OXLD1: variants seen among roughly 807,000 people sequenced by gnomAD.
OXLD1 encodes oxidoreductase-like domain-containing protein 1.
Under a neutral mutation model 3.1 loss-of-function variants are expected in OXLD1, and 4 were observed. The ratio of observed to expected loss-of-function variants is 1.28; its 90% confidence interval spans 0.63 to 2.92. OXLD1 has a LOEUF of 2.92. Among genes scored for constraint, OXLD1 ranks in the 30% most tolerant of loss-of-function variants. The pLI, the probability that OXLD1 is intolerant of heterozygous loss-of-function variation, is 0.01. For synonymous variants in OXLD1, 100 were observed against 87.0 expected, an observed-to-expected ratio of 1.15 and a Z score of -0.83; for missense variants, 240 against 204.6, an observed-to-expected ratio of 1.17 and a Z score of -1.05.
In OXLD1 at chr17:81,665,503, C is replaced by T; in HGVS notation, c.142G>A (p.Ala48Thr). The change falls in exon 2 of 2, where the codon GCG becomes ACG. Residue 48 changes from alanine (A) to threonine (T), a missense_variant. Coordinates refer to ENST00000374741, the MANE Select transcript of OXLD1 (RefSeq NM_001039842.3). ...GSFLQRHHPG[A>T]QAPDGRRKFG... Reference sequence around the variant, plus strand: ...TTTCTGCGCCCATCAGGGGCTTGCGCTCCGGGATGGTGCCTTTGAAGAAAG... The same window carrying T: ...TTTCTGCGCCCATCAGGGGCTTGCGTTCCGGGATGGTGCCTTTGAAGAAAG... The T allele has an allele frequency of 6.2e-7, 1 of 1,612,412 alleles. No homozygotes were observed. Among genetic ancestry groups the T allele is most frequent in the African/African-American group, 1.3e-5 (1 of 75,036 alleles).
At chr17:81,666,281 C>A in intron 1 of OXLD1, 1 of 496,066 alleles carries the variant, frequency 2.0e-6, no homozygotes, top group Non-Finnish European at 3.6e-6. Context: ...GTTCACCGGG[C>A]TGCTTCCTCT....
At chr17:81,666,461 GA>G (rs770539146) in intron 1 of OXLD1, 56 bp downstream of exon 1, 964 of 1,517,304 alleles carry the variant, frequency 6.4e-4, no homozygotes, top group Non-Finnish European at 8.1e-4. Context: ...CGGGCCCCCG[GA>G]CAGCGGCCTC....
intron 1 of OXLD1, chr17:81,665,925 A>T: frequency 5.0e-6 from 2 of 399,844 alleles, no homozygotes; most frequent in Non-Finnish European, 9.0e-6. Context: ...CGAGAGGTGT[A>T]ACCCTGTAAG....
intron 1 of OXLD1, 139 bp from the exon 2 acceptor site, chr17:81,665,723 G>C (rs761636525): frequency 2.0e-6 from 2 of 992,010 alleles, no homozygotes; most frequent in Non-Finnish European, 2.9e-6. Context: ...TGTGACTTTA[G>C]ACATGTTATT....
chr17:81,665,583 C>G lies in OXLD1; in HGVS notation c.62G>C (p.Gly21Ala), dbSNP rs746836760. ...GTCCGGGCTGGAGAACCGGCGAGCC[C>G]CCTGAGGATGCAGACAAACATGTGA... Reference protein sequence around the residue: ...RAVAAAVRGSGARRFSSPDCC... With the variant: ...RAVAAAVRGSAARRFSSPDCC... Residue 21 changes from glycine (G) to alanine (A), a missense_variant and splice_region_variant, in exon 2 of 2, where the codon GGG (glycine) becomes GCG (alanine). Transcript: ENST00000374741. 8.2e-6 allele frequency: 13 copies of G among 1,578,144 alleles called. No homozygotes were observed. The African/African-American group carries it at 1.8e-4, about 21-fold the overall frequency.
rs1477574824 is a variant in OXLD1 at position 81,665,323 on chromosome 17, G to A, written c.322C>T (p.Leu108=). ...TCCCCACCGTCCTGGAAGTGCTGCA[G>A]CAGCCTGTCCGCGTACTCCACCCAC... ...CVWVEYADRL[L]QHFQDGGERA... is the part of the protein sequence containing the mutation. Residue 108 remains leucine, a synonymous_variant, in exon 2 of 2, where the codon CTG becomes TTG. Transcript: ENST00000374741. 1 of 1,613,478 alleles carries A rather than the reference G, an allele frequency of 6.2e-7. No individual in the cohort carries two copies. The highest frequency in any genetic ancestry group is 8.5e-7 in the Non-Finnish European group (1 of 1,180,024).
Position 81,665,230 on chromosome 17 carries a change from T to C in OXLD1, c.415A>G (p.Ile139Val). 6.2e-7 allele frequency: 1 copy of C among 1,612,858 alleles called. No homozygotes were observed. Among genetic ancestry groups the C allele is most frequent in the African/African-American group, 1.3e-5 (1 of 75,008 alleles). ...CCTCCGCACCTGGTGTGCAGCCGGA[T>C]CTCCATCCTGAGGAAGGCCTTGAGG... ...ENLKAFLRME[I>V]RLHTRCGG Residue 139 changes from isoleucine to valine, a missense_variant, in exon 2 of 2, where the codon ATC becomes GTC. Transcript: ENST00000374741.
rs1049363642 is a variant in OXLD1, at chr17:81,665,337, T to A, written c.308A>T (p.Tyr103Phe). 11 of 1,613,350 alleles carry A rather than the reference T, an allele frequency of 6.8e-6. No homozygotes were observed. The African/African-American group carries it at 1.2e-4, about 18-fold the overall frequency. The change falls in exon 2 of 2, where the codon TAC becomes TTC. Residue 103 changes from tyrosine (Y) to phenylalanine (F), a missense_variant. Physicochemically the swap from Tyr to Phe is conservative, Grantham distance 22. Transcript: ENST00000374741. The stretch of plus-strand genomic sequence containing the variant: ...GAAGTGCTGCAGCAGCCTGTCCGCG[T>A]ACTCCACCCACACGCAGTTGGGGCA... ...SGCPNCVWVE[Y>F]ADRLLQHFQD... is the part of the protein sequence containing the mutation.
chr17:81,665,420 C>T lies in OXLD1; in HGVS notation c.225G>A (p.Pro75=), dbSNP rs542522587. ...GSQAGADGTR[P]PKASLPPELQ... Reference sequence around the variant, plus strand: ...GCTCAGGTGGCAGCGATGCCTTGGGCGGCCTGGTGCCGTCCGCACCTGCTT... The same window carrying T: ...GCTCAGGTGGCAGCGATGCCTTGGGTGGCCTGGTGCCGTCCGCACCTGCTT... The change falls in exon 2 of 2, where the codon CCG becomes CCA. Residue 75 remains proline (P), a synonymous_variant. Coordinates refer to ENST00000374741, the MANE Select transcript of OXLD1 (RefSeq NM_001039842.3). The T allele has an allele frequency of 8.1e-6, 13 of 1,613,462 alleles. No homozygotes were observed. The highest frequency in any genetic ancestry group is 8.0e-5 in the African/African-American group (6 of 75,036).
rs1414828581 is a variant in OXLD1 at position 81,665,540 on chromosome 17, A to G, written c.105T>C (p.Pro35=). The change falls in exon 2 of 2, where the codon CCT becomes CCC. Residue 35 remains proline (P), a synonymous_variant. Transcript: ENST00000374741. ...FSSPDCCQRL[P]GGGSFLQRHH... ...GCCTTTGAAGAAAGCTGCCACCTCC[A>G]GGAAGCCTCTGGCAGCAGTCCGGGC... 6.2e-7 allele frequency: 1 copy of G among 1,607,282 alleles called. No individual in the cohort carries two copies. The highest frequency in any genetic ancestry group is 8.5e-7 in the Non-Finnish European group (1 of 1,175,850).
chr17:81,665,197 T>C lies in OXLD1; in HGVS notation c.*4A>G. Reference sequence around the variant, plus strand: ...CCTGCGGTAGGGAGTCCAGCAGGGATGGCTCAGCCTCCGCACCTGGTGTGC... The same window carrying C: ...CCTGCGGTAGGGAGTCCAGCAGGGACGGCTCAGCCTCCGCACCTGGTGTGC... On this transcript the variant is annotated 3_prime_UTR_variant, in exon 2 of 2. Coordinates refer to ENST00000374741, the MANE Select transcript of OXLD1 (RefSeq NM_001039842.3). 1 of 1,603,138 alleles carries C rather than the reference T, an allele frequency of 6.2e-7. No homozygotes were observed. Among genetic ancestry groups the C allele is most frequent in the Non-Finnish European group, 8.5e-7 (1 of 1,173,618 alleles).
intron 1 of OXLD1, 50 bp from the exon 2 acceptor site, chr17:81,665,634 G>A: frequency 6.6e-7 from 1 of 1,525,150 alleles, no homozygotes; most frequent in Non-Finnish European, 8.8e-7. Context: ...GTGAGGCCCG[G>A]TCTACCCCCA....
intron 1 of OXLD1, 184 bp downstream of exon 1, chr17:81,666,334 T>G: frequency 1.6e-6 from 1 of 638,504 alleles, no homozygotes; most frequent in Non-Finnish European, 2.5e-6. Context: ...GGGCGGGGAC[T>G]CGGTAAGAGC....
At position 81,666,604 on chromosome 17, in the gene OXLD1, C is replaced by A. The variant is rs2036630758; in HGVS notation, c.-27G>T. Reference sequence around the variant, plus strand: ...GCCCGCGGACGGGATCCGGCAACCCCTGACCGTGAGCGGCGGGCGCTCCGG... The same window carrying A: ...GCCCGCGGACGGGATCCGGCAACCCATGACCGTGAGCGGCGGGCGCTCCGG... On this transcript the variant is annotated 5_prime_UTR_variant, in exon 1 of 2. It adds an upstream start codon to the 5' untranslated region. Transcript: ENST00000374741. 1 of 1,400,684 alleles carries A rather than the reference C, an allele frequency of 7.1e-7. No individual in the cohort carries two copies. Among genetic ancestry groups the A allele is most frequent in the Admixed American group, 2.9e-5 (1 of 34,256 alleles). The allele number at this position is 1,400,684 out of a possible 1,614,324, so 86.8% of individuals were successfully genotyped here.
In OXLD1 at chr17:81,665,038, C is replaced by T. The variant is rs2036567119; in HGVS notation, c.*163G>A. On this transcript the variant is annotated 3_prime_UTR_variant, in exon 2 of 2. Transcript: ENST00000374741. ...AAACCACCCCCAAAACAAAAACCTC[C>T]TGTGAAACCACCATAGAGAATTTAT... 2.0e-6 allele frequency: 2 copies of T among 985,946 alleles called. No individual in the cohort carries two copies. The highest frequency in any genetic ancestry group is 3.1e-5 in the Admixed American group (1 of 32,072). The allele number at this position is 985,946 out of a possible 1,614,324, so 61.1% of individuals were successfully genotyped here.
In OXLD1 at chr17:81,665,172, C is replaced by T. The variant is rs757472919; in HGVS notation, c.*29G>A. On this transcript the variant is annotated 3_prime_UTR_variant, in exon 2 of 2. Transcript: ENST00000374741. ...GCTGCGGCTGCGTCCTGGACTCCGT[C>T]CTGCGGTAGGGAGTCCAGCAGGGAT... The T allele has an allele frequency of 8.2e-6, 13 of 1,578,074 alleles. No homozygotes were observed. Among genetic ancestry groups the T allele is most frequent in the Non-Finnish European group, 1.1e-5 (13 of 1,159,332 alleles).
intron 1 of OXLD1, chr17:81,665,873 G>A (rs1315463240): frequency 2.1e-6 from 1 of 478,070 alleles, no homozygotes; most frequent in Non-Finnish European, 3.7e-6. Flanking sequence ...GGAGGCACTC[G>A]ACACCTCCAG....
chr17:81,666,391 G>A (rs2036620409), intron 1 of OXLD1, 127 bp downstream of exon 1: 2 of 1,164,748 alleles, frequency 1.7e-6, no homozygotes, highest in Non-Finnish European at 2.3e-6. Flanking sequence ...GCCAGCGCGC[G>A]ATCCTCCCGG....
Position 81,665,210 on chromosome 17 carries a change from G to C in OXLD1, c.435C>G (p.Cys145Trp), listed in dbSNP as rs1302311121. ...LRMEIRLHTR[C>W]GG is the part of the protein sequence containing the mutation. ...GTCCAGCAGGGATGGCTCAGCCTCCGCACCTGGTGTGCAGCCGGATCTCCA... is the reference window on the plus strand; with the variant it reads ...GTCCAGCAGGGATGGCTCAGCCTCCCCACCTGGTGTGCAGCCGGATCTCCA... Residue 145 changes from cysteine to tryptophan, a missense_variant, in exon 2 of 2, where the codon TGC (cysteine) becomes TGG (tryptophan). Physicochemically the swap from Cys to Trp is radical, Grantham distance 215. Coordinates refer to ENST00000374741, the MANE Select transcript of OXLD1 (RefSeq NM_001039842.3). The C allele has an allele frequency of 2.5e-6, 4 of 1,609,196 alleles. No individual in the cohort carries two copies. Among genetic ancestry groups the C allele is most frequent in the South Asian group, 1.1e-5 (1 of 90,684 alleles).
Sources: allele counts gnomAD v4.1 joint callset, GRCh38; gene constraint gnomAD v4.1.1; transcripts MANE v1.5; gene names NCBI Gene and HGNC (gene_info 2026-07-23, HGNC 2026-07-21).